CRISPLD1: variants seen among roughly 807,000 people sequenced by gnomAD.
CRISPLD1 encodes the protein cysteine-rich secretory protein LCCL domain-containing 1.
CRISPLD1 carries 60 observed loss-of-function variants against 77.5 expected under a neutral mutation model. The observed-to-expected ratio is 0.77, with a 90% CI of 0.63 to 0.96. The LOEUF is 0.96. Among genes scored for constraint, CRISPLD1 ranks in the 40% least tolerant of loss-of-function variants. CRISPLD1 has a pLI of 0.00. For missense variants in CRISPLD1, 623 were observed against 615.8 expected, an observed-to-expected ratio of 1.01 and a Z score of -0.12; for synonymous variants, 195 against 200.1, an observed-to-expected ratio of 0.97 and a Z score of 0.22.
chr8:75,001,867 A>G (rs1042657989), intron 2 of CRISPLD1, among the ~76,000 whole-genome samples: 1 of 152,148 alleles, frequency 6.6e-6, no homozygotes. Flanking sequence ...GAAACGTTTT[A>G]TTTGAGGTAA....
At chr8:75,010,779 C>A (rs1812915265) in intron 2 of CRISPLD1, among the ~76,000 whole-genome samples, 1 of 151,882 alleles carries the variant, frequency 6.6e-6, no homozygotes, top group Non-Finnish European at 1.5e-5. Context: ...TTGATAACCC[C>A]AGAATTTTCT....
At chr8:75,017,985 A>G (rs1376966764) in intron 10 of CRISPLD1, among the ~76,000 whole-genome samples, 4 of 152,182 alleles carry the variant, frequency 2.6e-5, no homozygotes, top group African/African-American at 9.7e-5. Flanking sequence ...TGTACCAAAT[A>G]CCTTATTCGA....
rs1812488843 is a variant in CRISPLD1 at position 74,985,963 on chromosome 8, T to TG, written c.-21dup. 1.9e-6 allele frequency: 3 copies of TG among 1,594,694 alleles called. No homozygotes were observed. The Admixed American group carries it at 5.1e-5, about 27-fold the overall frequency. On this transcript the variant is annotated 5_prime_UTR_variant, in exon 2 of 15. Coordinates refer to ENST00000262207, the MANE Select transcript of CRISPLD1 (RefSeq NM_031461.6). ...GAAGAGCCTGTCTTGGAGATTTTCCTGGGGAAATCCTGAGGTCATTCATTA... is the reference window on the plus strand; with the variant it reads ...GAAGAGCCTGTCTTGGAGATTTTCCTGGGGGAAATCCTGAGGTCATTCATTA...
chr8:74,990,772 CAAAA>C (rs200515030), intron 2 of CRISPLD1, among the ~76,000 whole-genome samples: 12 of 107,444 alleles, frequency 1.1e-4, no homozygotes, highest in Admixed American at 9.1e-4. Context: ...AAGAAACATA[CAAAA>C]AAAAAAAAAA....
At chr8:75,017,918 A>T (rs1418106808) in intron 10 of CRISPLD1, among the ~76,000 whole-genome samples, 1 of 152,196 alleles carries the variant, frequency 6.6e-6, no homozygotes. Flanking sequence ...TCTTTTGTCC[A>T]TTTAAAAGTA....
At chr8:75,014,688 A>T in intron 5 of CRISPLD1, 124 bp from the exon 6 acceptor site, 1 of 587,784 alleles carries the variant, frequency 1.7e-6, no homozygotes, top group Admixed American at 3.7e-5. Context: ...AATAAATTAT[A>T]TGAATGTCTT....
Position 75,025,549 on chromosome 8 carries a change from A to C in CRISPLD1, c.1248A>C (p.Val416=). Residue 416 remains valine, a synonymous_variant, in exon 13 of 15, where the codon GTA becomes GTC. Transcript: ENST00000262207. ...TATAATATATTATTTTTTTCAGAGT[A>C]TACTGTCCTCGTAACTGTATGCAAG... ...FHKPASHCPR[V]YCPRNCMQAN... 6.6e-7 allele frequency: 1 copy of C among 1,512,478 alleles called. No individual in the cohort carries two copies. Among genetic ancestry groups the C allele is most frequent in the Non-Finnish European group, 9.1e-7 (1 of 1,096,618 alleles). The allele number at this position is 1,512,478 out of a possible 1,614,324, so 93.7% of individuals were successfully genotyped here.
At chr8:75,015,597 AAG>A (rs1442185356) in intron 6 of CRISPLD1, among the ~76,000 whole-genome samples, 3 of 152,202 alleles carry the variant, frequency 2.0e-5, no homozygotes, top group African/African-American at 2.4e-5. Context: ...TGATGACTAA[AAG>A]AGGAATAATG....
chr8:74,999,037 T>A (rs1375950283), intron 2 of CRISPLD1, among the ~76,000 whole-genome samples: 2 of 152,158 alleles, frequency 1.3e-5, no homozygotes, highest in African/African-American at 4.8e-5. Flanking sequence ...TAAGTACAGA[T>A]GGTTGTACAG....
At position 75,016,882 on chromosome 8, in the gene CRISPLD1, C is replaced by T; in HGVS notation, c.870C>T (p.Ser290=). ...RNEVISAQQM[S]QIVSCEVRLR... is the part of the protein sequence containing the mutation. The stretch of plus-strand genomic sequence containing the variant: ...ATTTAGGTATTTTTTTCTTTGTAGC[C>T]CAAATTGTTTCTTGTGAAGTAAGAT... The change falls in exon 8 of 15, where the codon TCC becomes TCT. Residue 290 remains serine, a splice_region_variant and synonymous_variant. Transcript: ENST00000262207. The T allele has an allele frequency of 6.4e-7, 1 of 1,566,950 alleles. No homozygotes were observed.
chr8:74,988,097 G>T (rs1446881906), intron 2 of CRISPLD1, among the ~76,000 whole-genome samples: 1 of 152,156 alleles, frequency 6.6e-6, no homozygotes, highest in African/African-American at 2.4e-5. Context: ...TAACTGGGCT[G>T]CAGAGAAGTG....
At chr8:74,985,825 C>CA in intron 1 of CRISPLD1, 101 bp from the exon 2 acceptor site, 1 of 770,714 alleles carries the variant, frequency 1.3e-6, no homozygotes, top group Non-Finnish European at 2.1e-6. Context: ...ATAGACAAAT[C>CA]AAACTGGCAC....
Position 74,985,911 on chromosome 8 carries a change from G to A in CRISPLD1, c.-62-15G>A. 1 of 1,465,746 alleles carries A rather than the reference G, an allele frequency of 6.8e-7. No homozygotes were observed. Among genetic ancestry groups the A allele is most frequent in the Non-Finnish European group, 9.2e-7 (1 of 1,085,012 alleles). The allele number at this position is 1,465,746 out of a possible 1,614,324, so 90.8% of individuals were successfully genotyped here. A position where few individuals can be genotyped will look rare whatever the true frequency, so the allele number is the denominator to read the frequency against. ...GCTGGAATTTTCATCTTAATCACAT[G>A]ACATGTCGTTATAGCCAAAAGGAGT... On this transcript the variant is annotated splice_polypyrimidine_tract_variant and intron_variant, in intron 1 of 14. Transcript: ENST00000262207.
At chr8:75,016,421 C>T (rs945238226) in intron 6 of CRISPLD1, 144 bp from the exon 7 acceptor site, 1 of 737,918 alleles carries the variant, frequency 1.4e-6, no homozygotes, top group Non-Finnish European at 2.1e-6. Flanking sequence ...AGATCACCAC[C>T]TTAAGCCAAA....
At chr8:75,004,592 C>T (rs937138776) in intron 2 of CRISPLD1, among the ~76,000 whole-genome samples, 4 of 152,064 alleles carry the variant, frequency 2.6e-5, no homozygotes, top group Non-Finnish European at 4.4e-5. Context: ...GTTAGGATCA[C>T]GTTGACAACT....
intron 10 of CRISPLD1, among the ~76,000 whole-genome samples, chr8:75,018,800 G>A (rs911841000): frequency 6.7e-6 from 1 of 148,996 alleles, no homozygotes; most frequent in African/African-American, 2.5e-5. Flanking sequence ...TCAGGTTGGC[G>A]AGGCTGGTCT....
rs1266452313 is a variant in CRISPLD1, at chr8:75,016,698, G to A, written c.861G>A (p.Gln287=). Residue 287 remains glutamine (Q), a synonymous_variant, in exon 7 of 15, where the codon CAG becomes CAA. Transcript: ENST00000262207. ...GCAGAAATGAAGTCATAAGCGCACAGCAAATGTGTAAGACCTCCATATTAC... is the reference window on the plus strand; with the variant it reads ...GCAGAAATGAAGTCATAAGCGCACAACAAATGTGTAAGACCTCCATATTAC... The part of the protein sequence containing the change: ...DSSRNEVISA[Q]QMSQIVSCEV... The A allele has an allele frequency of 4.3e-6, 7 of 1,611,818 alleles. No homozygotes were observed. Among genetic ancestry groups the A allele is most frequent in the East Asian group, 2.2e-5 (1 of 44,832 alleles).
intron 14 of CRISPLD1, 46 bp downstream of exon 14, chr8:75,029,563 A>G (rs1813297967): frequency 1.3e-6 from 2 of 1,571,612 alleles, no homozygotes; most frequent in African/African-American, 1.4e-5. Context: ...ACCATCTATC[A>G]CTGTATTCAT....
intron 2 of CRISPLD1, chr8:75,000,048 C>G: frequency 1.5e-6 from 1 of 685,990 alleles, no homozygotes; most frequent in Non-Finnish European, 1.8e-6. Context: ...CAACTAGATA[C>G]AAGGATAATG....
Sources: allele counts gnomAD v4.1 joint callset (sites outside exome capture counted in the v4.1 genomes callset), GRCh38; gene constraint gnomAD v4.1.1; transcripts MANE v1.5; gene names NCBI Gene and HGNC (gene_info 2026-07-23, HGNC 2026-07-21).